MYOCD: variants seen among roughly 807,000 people sequenced by gnomAD.
MYOCD encodes myocardin.
In MYOCD, 32 loss-of-function variants were observed where a neutral mutation model predicts 96.1. That is an observed-to-expected ratio of 0.33 (90% CI 0.25 to 0.45). The LOEUF (loss-of-function observed/expected upper bound fraction) is 0.45. MYOCD is among the 20% of genes least tolerant of loss of function. The pLI, the probability that MYOCD is intolerant of heterozygous loss-of-function variation, is 1.00. For synonymous variants in MYOCD, 469 were observed against 469.0 expected (o/e 1.00, Z 0.00); for missense variants, 1,133 against 1,200.6 (o/e 0.94, Z 0.83).
chr17:12,715,409 G>A, intron 2 of MYOCD, 110 bp from the exon 3 acceptor site: 3 of 781,716 alleles, frequency 3.8e-6, no homozygotes, highest in Non-Finnish European at 6.1e-6. Context: ...CCTAATAAAG[G>A]CAATCACCTC....
intron 10 of MYOCD, among the ~76,000 whole-genome samples, chr17:12,755,055 C>G (rs185324919): frequency 1.8e-4 from 27 of 152,286 alleles, no homozygotes; most frequent in African/African-American, 6.0e-4. Flanking sequence ...TTTTACAAAC[C>G]TACAGGAACA....
intron 2 of MYOCD, among the ~76,000 whole-genome samples, chr17:12,708,467 C>T (rs1196826039): frequency 6.6e-6 from 1 of 151,688 alleles, no homozygotes; most frequent in Non-Finnish European, 1.5e-5. Flanking sequence ...GATCTCGGCT[C>T]ACTGCAACCT....
At chr17:12,762,720 T>A (rs1003653571) in intron 13 of MYOCD, 5 of 199,656 alleles carry the variant, frequency 2.5e-5, no homozygotes, top group African/African-American at 1.2e-4. Context: ...GGAGTAGCAA[T>A]CAGAAAGTGG....
chr17:12,668,892 G>A (rs557467731), intron 1 of MYOCD, among the ~76,000 whole-genome samples: 2 of 152,164 alleles, frequency 1.3e-5, no homozygotes, highest in African/African-American at 2.4e-5. Context: ...ATGTGCAGTG[G>A]GACCGGCGGT....
At chr17:12,733,470 C>T (rs2032240610) in intron 5 of MYOCD, among the ~76,000 whole-genome samples, 1 of 152,314 alleles carries the variant, frequency 6.6e-6, no homozygotes. Flanking sequence ...TCTGCCACCC[C>T]CTCTACCAGG....
chr17:12,749,881 G>C (rs931050662), intron 9 of MYOCD, among the ~76,000 whole-genome samples: 2 of 151,784 alleles, frequency 1.3e-5, no homozygotes, highest in African/African-American at 4.8e-5. Flanking sequence ...ACGGAGGCTC[G>C]CTCTGTCGCC....
intron 11 of MYOCD, 56 bp from the exon 12 acceptor site, chr17:12,758,029 C>A: frequency 2.2e-6 from 3 of 1,361,314 alleles, no homozygotes; most frequent in Non-Finnish European, 3.1e-6. Context: ...AGAACAGAAA[C>A]AACATAATTT....
Position 12,763,096 on chromosome 17 carries a change from G to A in MYOCD, c.2413G>A (p.Asp805Asn). ...SGEMPADARE[D>N]HSCLQKVPKI... is the part of the protein sequence containing the mutation. ...AGAAATGCCAGCAGACGCTAGAGAGGATCACTCATGTCTTCAAAAAGTCCC... is the reference window on the plus strand; with the variant it reads ...AGAAATGCCAGCAGACGCTAGAGAGAATCACTCATGTCTTCAAAAAGTCCC... The change falls in exon 14 of 14, where the codon GAT becomes AAT. Residue 805 changes from aspartate (D) to asparagine (N), a missense_variant. Physicochemically the swap from Asp to Asn is conservative, Grantham distance 23. Coordinates refer to ENST00000425538, the MANE Select transcript of MYOCD (RefSeq NM_001146312.3). 6.2e-7 allele frequency: 1 copy of A among 1,612,740 alleles called. No individual in the cohort carries two copies. The highest frequency in any genetic ancestry group is 8.5e-7 in the Non-Finnish European group (1 of 1,179,550).
intron 8 of MYOCD, 102 bp from the exon 9 acceptor site, chr17:12,745,817 A>C (rs901530802): frequency 3.2e-6 from 4 of 1,230,876 alleles, no homozygotes; most frequent in African/African-American, 3.0e-5. Flanking sequence ...GGTTTATTAC[A>C]TGCCTGACCC....
chr17:12,717,465 G>T, intron 4 of MYOCD, 44 bp downstream of exon 4: 1 of 1,497,064 alleles, frequency 6.7e-7, no homozygotes. Flanking sequence ...CTGCAGAATG[G>T]TGGGCCATTT....
chr17:12,720,476 C>T (rs1171275053), intron 4 of MYOCD: 1 of 152,114 alleles, frequency 6.6e-6, no homozygotes, highest in African/African-American at 2.4e-5. Context: ...ATATCCCAGA[C>T]AACAGACCCA....
At chr17:12,723,846 A>T (rs2031919061) in intron 5 of MYOCD, among the ~76,000 whole-genome samples, 1 of 152,216 alleles carries the variant, frequency 6.6e-6, no homozygotes, top group Non-Finnish European at 1.5e-5. Context: ...CACATTGTCA[A>T]AAAGTAGGTG....
intron 1 of MYOCD, among the ~76,000 whole-genome samples, chr17:12,669,983 C>A (rs1458418475): frequency 6.6e-6 from 1 of 152,074 alleles, no homozygotes; most frequent in Non-Finnish European, 1.5e-5. Context: ...GCAGAAAACT[C>A]CAGATGGGGT....
chr17:12,697,359 A>ATATAT (rs1427225443), intron 1 of MYOCD, among the ~76,000 whole-genome samples: 15 of 75,720 alleles, frequency 2.0e-4, no homozygotes, highest in Non-Finnish European at 3.2e-4. Flanking sequence ...ATATATATAT[A>ATATAT]TTTTTTTTTT....
chr17:12,666,045 A>C lies in MYOCD; in HGVS notation c.-144A>C. On this transcript the variant is annotated 5_prime_UTR_variant, in exon 1 of 14. Transcript: ENST00000425538. The stretch of plus-strand genomic sequence containing the variant: ...CAGTTTTCTGGGGACACTGGCTGCC[A>C]CTGTACTCCTACCCAGGGGAGCTCA... 1.6e-6 allele frequency: 1 copy of C among 621,958 alleles called. No homozygotes were observed. The highest frequency in any genetic ancestry group is 2.9e-6 in the Non-Finnish European group (1 of 347,900). The allele number at this position is 621,958 out of a possible 1,614,324, so 38.5% of individuals were successfully genotyped here.
chr17:12,762,825 G>T, intron 13 of MYOCD: 1 of 474,526 alleles, frequency 2.1e-6, no homozygotes. Context: ...GGTCAGAGGA[G>T]TAGGCCAGGA....
intron 5 of MYOCD, among the ~76,000 whole-genome samples, chr17:12,734,628 AG>A (rs1436292819): frequency 7.0e-6 from 1 of 143,170 alleles, no homozygotes; most frequent in Non-Finnish European, 1.5e-5. Flanking sequence ...CTCCTGCCTC[AG>A]CCTCCGGAGT....
intron 1 of MYOCD, among the ~76,000 whole-genome samples, chr17:12,703,834 T>G (rs966701339): frequency 6.6e-6 from 1 of 152,156 alleles, no homozygotes; most frequent in Non-Finnish European, 1.5e-5. Flanking sequence ...TATTCTTCTA[T>G]TAAGTCCATT....
At position 12,753,261 on chromosome 17, in the gene MYOCD, C is replaced by T. The variant is rs759465795; in HGVS notation, c.1973C>T (p.Pro658Leu). 3 of 1,614,194 alleles carry T rather than the reference C, an allele frequency of 1.9e-6. No individual in the cohort carries two copies. The highest frequency in any genetic ancestry group is 2.5e-6 in the Non-Finnish European group (3 of 1,180,020). ...AGTTTGCCCCCATCACCCAACAACC[C>T]TCACTTTCTGCCCTCATCCTCCGGG... ...HISLPPSPNN[P>L]HFLPSSSGAQ... is the part of the protein sequence containing the mutation. The change falls in exon 10 of 14, where the codon CCT (proline) becomes CTT (leucine). Residue 658 changes from proline (P) to leucine (L), a missense_variant. Physicochemically the swap from Pro to Leu is moderately conservative, Grantham distance 98 (BLOSUM62 -3). Transcript: ENST00000425538.
Sources: gnomAD v4.1 joint callset for allele counts (sites outside exome capture counted in the v4.1 genomes callset) on GRCh38, gnomAD v4.1.1 for gene constraint, MANE v1.5 for transcripts, NCBI Gene and HGNC (gene_info 2026-07-23, HGNC 2026-07-21) for gene names.